Variants in POU2AF1 observed in about 807,000 individuals in gnomAD.
POU2AF1 encodes the protein POU domain class 2-associating factor 1.
POU2AF1 carries 12 observed loss-of-function variants against 26.3 expected under a neutral mutation model. The observed-to-expected ratio is 0.46, with a 90% CI of 0.29 to 0.74. The LOEUF is 0.74. Among genes scored for constraint, POU2AF1 ranks in the 30% least tolerant of loss-of-function variants. POU2AF1 has a pLI of 0.09. For missense variants in POU2AF1, 297 were observed against 334.5 expected, an observed-to-expected ratio of 0.89 and a Z score of 0.87; for synonymous variants, 175 against 148.0, an observed-to-expected ratio of 1.18 and a Z score of -1.32.
chr11:111,355,190 G>C (rs1275353257), intron 4 of POU2AF1, among the ~76,000 whole-genome samples: 1 of 152,262 alleles, frequency 6.6e-6, no homozygotes, highest in Non-Finnish European at 1.5e-5. Flanking sequence ...CAGCAAACTT[G>C]GCCTTCCTTC....
rs1056157474 is a variant in POU2AF1 at position 111,358,645 on chromosome 11, C to T, written c.147+143G>A. On this transcript the variant is annotated intron_variant, in intron 2 of 4. Coordinates refer to ENST00000393067, the MANE Select transcript of POU2AF1 (RefSeq NM_006235.3). ...ATACACATTCTCTCTCACACTATCACACTCTCACACACTCTATCACACACA... is the reference window on the plus strand; with the variant it reads ...ATACACATTCTCTCTCACACTATCATACTCTCACACACTCTATCACACACA... 1.4e-4 allele frequency: 144 copies of T among 1,045,984 alleles called. 1 individual carries two copies. Among genetic ancestry groups the T allele is most frequent in the Non-Finnish European group, 1.8e-4 (130 of 713,990 alleles). 64.8% of individuals were successfully genotyped at this position (1,045,984 alleles called of 1,614,324 possible).
rs576544921 is a variant in POU2AF1, at chr11:111,354,555, G to T, written c.477C>A (p.Pro159=). ...GGCCCTCCAGCGGGGGCCCCACTGC[G>T]GGCGTGGCGGAGCTTCTTGTCTGTG... ...TNVTTRSSAT[P]AVGPPLEGPE... is the part of the protein sequence containing the mutation. The change falls in exon 5 of 5, where the codon CCC becomes CCA. Residue 159 remains proline, a synonymous_variant. Transcript: ENST00000393067. 1.0e-5 allele frequency: 16 copies of T among 1,534,562 alleles called. No homozygotes were observed. The highest frequency in any genetic ancestry group is 1.8e-4 in the Middle Eastern group (1 of 5,472).
chr11:111,371,286 A>C (rs1395485139), intron 1 of POU2AF1, among the ~76,000 whole-genome samples: 1 of 152,170 alleles, frequency 6.6e-6, no homozygotes, highest in Non-Finnish European at 1.5e-5. Context: ...TCTTCCCAGA[A>C]AGTGGTACTA....
chr11:111,375,390 CTTTTTT>C (rs869115956), intron 1 of POU2AF1, among the ~76,000 whole-genome samples: 3 of 79,488 alleles, frequency 3.8e-5, no homozygotes, highest in East Asian at 4.3e-4. Context: ...TACTGAGTAT[CTTTTTT>C]TTTTTTTTTT....
At chr11:111,357,877 C>G (rs76889866) in intron 2 of POU2AF1, 40 bp from the exon 3 acceptor site, 7 of 1,564,578 alleles carry the variant, frequency 4.5e-6, no homozygotes, top group Non-Finnish European at 6.1e-6. Context: ...ATGTTTAGCC[C>G]TCGTCAACCG....
chr11:111,353,257 T>A lies in POU2AF1; in HGVS notation c.*1004A>T, dbSNP rs1860771184. The A allele has an allele frequency of 8.6e-6, 2 of 233,156 alleles. No individual in the cohort carries two copies. 14.4% of individuals were successfully genotyped at this position (233,156 alleles called of 1,614,324 possible). ...CAAGGAGAGCAGCAAAACCATCTCT[T>A]CAAGCAATGCTTTCCTTTAGTTTAT... On this transcript the variant is annotated 3_prime_UTR_variant, in exon 5 of 5. Transcript: ENST00000393067.
chr11:111,377,746 G>A (rs933858857), intron 1 of POU2AF1: 1 of 179,980 alleles, frequency 5.6e-6, no homozygotes, highest in Non-Finnish European at 1.2e-5. Context: ...GATGCTTAGG[G>A]GCCCCCAGTA....
intron 1 of POU2AF1, among the ~76,000 whole-genome samples, chr11:111,361,496 T>A (rs1861007725): frequency 6.6e-6 from 1 of 152,256 alleles, no homozygotes; most frequent in Non-Finnish European, 1.5e-5. Flanking sequence ...TCTCACACAG[T>A]GGTTGTGAGG....
chr11:111,365,787 G>A (rs1340690103), intron 1 of POU2AF1, among the ~76,000 whole-genome samples: 4 of 151,892 alleles, frequency 2.6e-5, no homozygotes, highest in South Asian at 4.1e-4. Flanking sequence ...AACCCAGGAG[G>A]CAGAGGTTGC....
chr11:111,362,195 G>A (rs1861023470), intron 1 of POU2AF1, among the ~76,000 whole-genome samples: 1 of 152,194 alleles, frequency 6.6e-6, no homozygotes. Context: ...TACATAGTCA[G>A]TGTATATATT....
At chr11:111,375,424 T>C (rs1861289864) in intron 1 of POU2AF1, among the ~76,000 whole-genome samples, 2 of 76,574 alleles carry the variant, frequency 2.6e-5, no homozygotes, top group African/African-American at 4.9e-5. Flanking sequence ...TGAGGCGGAG[T>C]CTCGCTCTGT....
At chr11:111,374,576 A>G (rs993148459) in intron 1 of POU2AF1, among the ~76,000 whole-genome samples, 1 of 152,170 alleles carries the variant, frequency 6.6e-6, no homozygotes. Context: ...TGTGCCTATA[A>G]TCTCAGCTAC....
rs778978625 is a variant in POU2AF1, at chr11:111,354,435, G to A, written c.597C>T (p.Ala199=). 1.2e-6 allele frequency: 2 copies of A among 1,614,108 alleles called. No homozygotes were observed. The highest frequency in any genetic ancestry group is 2.2e-5 in the East Asian group (1 of 44,880). ...STLQYQPPAP[A]LPGPQFVQLP... is the part of the protein sequence containing the mutation. ...GCTGGACAAACTGGGGCCCAGGTAGGGCTGGGGCCGGAGGCTGGTACTGCA... is the reference window on the plus strand; with the variant it reads ...GCTGGACAAACTGGGGCCCAGGTAGAGCTGGGGCCGGAGGCTGGTACTGCA... The change falls in exon 5 of 5, where the codon GCC becomes GCT. Residue 199 remains alanine, a synonymous_variant. Coordinates refer to ENST00000393067, the MANE Select transcript of POU2AF1 (RefSeq NM_006235.3).
rs1860760702 is a variant in POU2AF1, at chr11:111,352,993, A to AGAAGGAAAGAAG, written c.*1267_*1268insCTTCTTTCCTTC. On this transcript the variant is annotated 3_prime_UTR_variant, in exon 5 of 5. Coordinates refer to ENST00000393067, the MANE Select transcript of POU2AF1 (RefSeq NM_006235.3). Reference sequence around the variant, plus strand: ...AGGAAGGAAGGAAGGAAGGAAGGAAAGAAGGAAGGAAGGAAGGAAGGAAGG... The same window carrying AGAAGGAAAGAAG: ...AGGAAGGAAGGAAGGAAGGAAGGAAAGAAGGAAAGAAGGAAGGAAGGAAGGAAGGAAGGAAGG... 1.4e-5 allele frequency: 1 copy of AGAAGGAAAGAAG among 71,054 alleles called. No individual in the cohort carries two copies. The highest frequency in any genetic ancestry group is 1.8e-4 in the East Asian group (1 of 5,500). The allele number at this position is 71,054 out of a possible 1,614,324, so 4.4% of individuals were successfully genotyped here.
chr11:111,358,356 A>T (rs914125326), intron 2 of POU2AF1, among the ~76,000 whole-genome samples: 4 of 76,550 alleles, frequency 5.2e-5, no homozygotes, highest in African/African-American at 8.2e-5. Flanking sequence ...TCACACTCAC[A>T]CTCTCACACA....
At chr11:111,363,067 T>A in intron 1 of POU2AF1, 2 of 899,482 alleles carry the variant, frequency 2.2e-6, no homozygotes, top group Non-Finnish European at 2.7e-6. Flanking sequence ...TTGGTGGAGG[T>A]GCTGTGGACA....
Position 111,359,837 on chromosome 11 carries a change from T to C in POU2AF1, c.17-919A>G, listed in dbSNP as rs762827472. 21 of 453,976 alleles carry C rather than the reference T, an allele frequency of 4.6e-5. 1 individual carries two copies. The highest frequency in any genetic ancestry group is 1.1e-4 in the Admixed American group (5 of 44,188). 28.1% of individuals were successfully genotyped at this position (453,976 alleles called of 1,614,324 possible). A position where few individuals can be genotyped will look rare whatever the true frequency, so the allele number is the denominator to read the frequency against. ...GCGTTTTAAGCTCAGTTGATACTTATTGATTAATCGATTGGGTGATTCTTT... is the reference window on the plus strand; with the variant it reads ...GCGTTTTAAGCTCAGTTGATACTTACTGATTAATCGATTGGGTGATTCTTT... On this transcript the variant is annotated intron_variant, in intron 1 of 4. Coordinates refer to ENST00000393067, the MANE Select transcript of POU2AF1 (RefSeq NM_006235.3).
intron 1 of POU2AF1, chr11:111,359,293 T>C: frequency 3.9e-6 from 1 of 255,442 alleles, no homozygotes; most frequent in South Asian, 6.1e-5. Context: ...TGGTTGAGGT[T>C]TTCCGTGGTC....
chr11:111,353,650 G>A lies in POU2AF1; in HGVS notation c.*611C>T. 1 of 234,348 alleles carries A rather than the reference G, an allele frequency of 4.3e-6. No homozygotes were observed. 14.5% of individuals were successfully genotyped at this position (234,348 alleles called of 1,614,324 possible). On this transcript the variant is annotated 3_prime_UTR_variant, in exon 5 of 5. Transcript: ENST00000393067. Reference sequence around the variant, plus strand: ...GACTTTCTCAGGAGGTGCTGTCGGGGCTGGTCTTCCCGCCGGCCACCACAT... The same window carrying A: ...GACTTTCTCAGGAGGTGCTGTCGGGACTGGTCTTCCCGCCGGCCACCACAT...
Sources: gnomAD v4.1 joint callset for allele counts (sites outside exome capture counted in the v4.1 genomes callset) on GRCh38, gnomAD v4.1.1 for gene constraint, MANE v1.5 for transcripts, NCBI Gene and HGNC (gene_info 2026-07-23, HGNC 2026-07-21) for gene names.